BID: variants seen among roughly 807,000 people sequenced by gnomAD.
BID encodes the protein BH3-interacting domain death agonist.
In BID, 19 loss-of-function variants were observed where a neutral mutation model predicts 17.4. The observed-to-expected ratio is 1.09, with a 90% CI of 0.76 to 1.60. The LOEUF is 1.60. Ranked by LOEUF, BID falls within the 40% of genes most tolerant of loss-of-function variation. BID has a pLI of 0.00. For missense variants in BID, 226 were observed against 256.0 expected (o/e 0.88, Z 0.80); for synonymous variants, 108 against 102.8 (o/e 1.05, Z -0.31).
At chr22:17,766,016 C>A (rs1457536226) in intron 1 of BID, among the ~76,000 whole-genome samples, 1 of 152,188 alleles carries the variant, frequency 6.6e-6, no homozygotes, top group South Asian at 2.1e-4. Context: ...ACAGCCTCAA[C>A]CTCCCGGGCT....
intron 1 of BID, among the ~76,000 whole-genome samples, chr22:17,765,772 A>G (rs935541399): frequency 6.6e-6 from 1 of 152,248 alleles, no homozygotes; most frequent in Non-Finnish European, 1.5e-5. Context: ...TGGCACATGT[A>G]TATATATGTA....
At chr22:17,750,254 C>T (rs2061527724) in intron 1 of BID, 80 bp from the exon 2 acceptor site, 2 of 1,252,946 alleles carry the variant, frequency 1.6e-6, no homozygotes, top group South Asian at 2.6e-5. Context: ...CGAAGCTGGC[C>T]TGTGCTCCAG....
At chr22:17,749,100 G>A (rs405098) in intron 2 of BID, among the ~76,000 whole-genome samples, 18,537 of 152,254 alleles carry the variant, frequency 0.12, 1,576 homozygotes, top group Non-Finnish European at 0.19. Flanking sequence ...CAGTCACTAA[G>A]TGCCAAGGCA....
In BID at chr22:17,734,833, G is replaced by A. The variant is rs1382487315; in HGVS notation, c.*747C>T. The stretch of plus-strand genomic sequence containing the variant: ...CATGGAAAGAGAAAAAGTGTATGCA[G>A]TTAGTTACCTGATTTTGTAAACAAA... On this transcript the variant is annotated 3_prime_UTR_variant, in exon 6 of 6. Transcript: ENST00000622694. 2.0e-5 allele frequency: 3 copies of A among 152,208 alleles called. No homozygotes were observed. The highest frequency in any genetic ancestry group is 2.9e-5 in the Non-Finnish European group (2 of 68,036). The allele number at this position is 152,208 out of a possible 1,614,324, so 9.4% of individuals were successfully genotyped here.
intron 2 of BID, 50 bp downstream of exon 2, chr22:17,750,055 C>T (rs752409352): frequency 2.5e-6 from 4 of 1,571,474 alleles, no homozygotes; most frequent in East Asian, 2.3e-5. Context: ...AGGCCCTTAC[C>T]CCTCGACCCC....
chr22:17,739,175 A>G (rs932446590), intron 4 of BID, among the ~76,000 whole-genome samples, 174 bp downstream of exon 4: 3 of 89,324 alleles, frequency 3.4e-5, no homozygotes, highest in African/African-American at 1.0e-4. Context: ...AACCAGCTGA[A>G]ATCTTCTGCA....
At chr22:17,758,695 T>G (rs993194769) in intron 1 of BID, among the ~76,000 whole-genome samples, 1 of 151,938 alleles carries the variant, frequency 6.6e-6, no homozygotes, top group East Asian at 1.9e-4. Flanking sequence ...GTGCCCAGAG[T>G]AGTCAACTTC....
In BID at chr22:17,769,824, G is replaced by A. The variant is rs529052020; in HGVS notation, c.-59+4557C>T. On this transcript the variant is annotated intron_variant, in intron 1 of 5. Transcript: ENST00000622694. This position sits in a 1 kb window ranked among gnomAD's most constrained non-coding sequence, Gnocchi z 4.8. ...CCCACCTTCCTGTCTCTAGGCAGAT[G>A]CCAGCTGGTGCAGGAGCCACTCCCA... is the stretch of plus-strand genomic sequence containing the variant. Among the ~76,000 whole-genome samples, 1 of 152,152 alleles carries A rather than the reference G, an allele frequency of 6.6e-6. No individual in the cohort carries two copies. The highest frequency in any genetic ancestry group is 2.4e-5 in the African/African-American group (1 of 41,426).
intron 1 of BID, 33 bp from the exon 2 acceptor site, chr22:17,750,207 C>A: frequency 1.9e-6 from 3 of 1,573,684 alleles, no homozygotes; most frequent in Non-Finnish European, 2.6e-6. Flanking sequence ...GGCGGCCGCT[C>A]CTGGGAAGCC....
At chr22:17,770,237 C>T (rs990461923) in intron 1 of BID, among the ~76,000 whole-genome samples, 1 of 152,112 alleles carries the variant, frequency 6.6e-6, no homozygotes, top group African/African-American at 2.4e-5. Flanking sequence ...GCACTCCCAG[C>T]CCAGAGAGGG....
intron 1 of BID, among the ~76,000 whole-genome samples, chr22:17,758,634 G>A (rs752973865): frequency 5.3e-4 from 81 of 152,306 alleles, no homozygotes; most frequent in African/African-American, 1.8e-3. Context: ...TACGCTGGGC[G>A]AACTAGGCCA....
At position 17,770,577 on chromosome 22, in the gene BID, C is replaced by T. The variant is rs570430468; in HGVS notation, c.-59+3804G>A. On this transcript the variant is annotated intron_variant, in intron 1 of 5. Transcript: ENST00000622694. ...TCAGTTACACAAATTAAACCAAACC[C>T]AGATGCAGAGGTGCCCCATAACAGA... 1.4e-3 allele frequency among the ~76,000 whole-genome samples: 206 copies of T among 152,364 alleles called. 1 individual carries two copies. Among genetic ancestry groups the T allele is most frequent in the Non-Finnish European group, 1.7e-3 (113 of 68,044 alleles).
chr22:17,740,853 C>A (rs989341491), intron 3 of BID: 2 of 152,300 alleles, frequency 1.3e-5, no homozygotes, highest in African/African-American at 4.8e-5. Flanking sequence ...TGTGATCATA[C>A]CACTACACTC....
At chr22:17,762,720 T>C (rs1457764144) in intron 1 of BID, among the ~76,000 whole-genome samples, 1 of 151,526 alleles carries the variant, frequency 6.6e-6, no homozygotes, top group African/African-American at 2.4e-5. Flanking sequence ...CTGGCCTATT[T>C]TTAAAATTTC....
intron 1 of BID, among the ~76,000 whole-genome samples, chr22:17,761,729 C>T (rs1038025106): frequency 2.6e-5 from 4 of 152,132 alleles, no homozygotes; most frequent in South Asian, 2.1e-4. Flanking sequence ...CCACCGCACC[C>T]GGCCATAATC....
chr22:17,746,434 C>T (rs2061495682), intron 2 of BID, among the ~76,000 whole-genome samples: 1 of 152,234 alleles, frequency 6.6e-6, no homozygotes, highest in Non-Finnish European at 1.5e-5. Flanking sequence ...ATGCAAAATT[C>T]CACTGCATCA....
chr22:17,753,090 C>T (rs2061553109), intron 1 of BID, among the ~76,000 whole-genome samples: 1 of 150,804 alleles, frequency 6.6e-6, no homozygotes, highest in African/African-American at 2.4e-5. Flanking sequence ...CCTCAGCCTC[C>T]TGAGTAGCTA....
Position 17,735,506 on chromosome 22 carries a change from C to T in BID, c.*74G>A, listed in dbSNP as rs369074192. 4.7e-5 allele frequency: 74 copies of T among 1,578,760 alleles called. No individual in the cohort carries two copies. The African/African-American group carries it at 6.6e-4, about 14-fold the overall frequency. ...GAACGCTGTTGACATGCCAGGGCTCCGTCTACACTGGAAGCAGCTATACAG... is the reference window on the plus strand; with the variant it reads ...GAACGCTGTTGACATGCCAGGGCTCTGTCTACACTGGAAGCAGCTATACAG... On this transcript the variant is annotated 3_prime_UTR_variant, in exon 6 of 6. Transcript: ENST00000622694.
chr22:17,740,126 C>T, intron 3 of BID: 1 of 1,611,718 alleles, frequency 6.2e-7, no homozygotes, highest in Non-Finnish European at 8.5e-7. Context: ...GCCACGCTCC[C>T]TGCCGCCTCC....
Sources: gnomAD v4.1 joint callset for allele counts (sites outside exome capture counted in the v4.1 genomes callset) on GRCh38, gnomAD v4.1.1 for gene constraint, Gnocchi (gnomAD v3.1) non-coding constraint, MANE v1.5 for transcripts, NCBI Gene and HGNC (gene_info 2026-07-23, HGNC 2026-07-21) for gene names.